Variants in DIAPH2 observed in about 807,000 individuals in gnomAD.
DIAPH2 encodes the protein diaphanous related formin 2.
DIAPH2 carries 35 observed loss-of-function variants against 92.7 expected under a neutral mutation model. The ratio of observed to expected loss-of-function variants is 0.38; its 90% CI spans 0.29 to 0.50. DIAPH2 has a LOEUF of 0.50. DIAPH2 is among the 20% of genes least tolerant of loss of function. The pLI, the probability that DIAPH2 is intolerant of heterozygous loss-of-function variation, is 0.94. For missense variants in DIAPH2, 701 were observed against 819.5 expected (o/e 0.86, Z 1.77); for synonymous variants, 301 against 280.4 (o/e 1.07, Z -0.73).
At chrX:97,403,917 A>G (rs1391369509) in intron 25 of DIAPH2, among the ~76,000 whole-genome samples, 1 of 108,789 alleles carries the variant, frequency 9.2e-6, no homozygotes, top group African/African-American at 3.4e-5. Flanking sequence ...CAATGGCTCA[A>G]TCTTGGCTCA....
intron 22 of DIAPH2, among the ~76,000 whole-genome samples, chrX:97,155,066 G>A (rs1241616793): frequency 8.9e-6 from 1 of 111,881 alleles, no homozygotes; most frequent in East Asian, 2.8e-4. Flanking sequence ...CTATCAATTT[G>A]GTAAAGGTTA....
At chrX:97,080,548 G>A (rs920444580) in intron 19 of DIAPH2, among the ~76,000 whole-genome samples, 1 of 99,258 alleles carries the variant, frequency 1.0e-5, no homozygotes, top group African/African-American at 3.9e-5. Context: ...AACCAGCACT[G>A]TACTCAATGT....
intron 26 of DIAPH2, among the ~76,000 whole-genome samples, chrX:97,576,642 G>A (rs5920930): frequency 9.0e-6 from 1 of 110,794 alleles, no homozygotes; most frequent in East Asian, 2.8e-4. Context: ...CATAAACAAA[G>A]TAATCATGGA....
intron 4 of DIAPH2, among the ~76,000 whole-genome samples, chrX:96,823,728 G>A (rs778463870): frequency 5.6e-4 from 62 of 110,251 alleles, no homozygotes; most frequent in Non-Finnish European, 4.9e-4. Context: ...GAATTAATAA[G>A]CCCTATTTTT....
At chrX:96,840,799 G>C (rs233689) in intron 4 of DIAPH2, among the ~76,000 whole-genome samples, 1 of 106,715 alleles carries the variant, frequency 9.4e-6, no homozygotes, top group African/African-American at 3.4e-5. Flanking sequence ...ATTTTTAGTA[G>C]AGACGGGGTT....
chrX:97,487,913 C>T (rs1299500697), intron 26 of DIAPH2, among the ~76,000 whole-genome samples: 4 of 112,232 alleles, frequency 3.6e-5, no homozygotes, highest in Non-Finnish European at 7.5e-5. Flanking sequence ...TGTATGTCTA[C>T]TTTGGAGAAA....
chrX:96,843,409 G>A (rs1424239784), intron 4 of DIAPH2, among the ~76,000 whole-genome samples: 1 of 111,814 alleles, frequency 8.9e-6, no homozygotes, highest in Non-Finnish European at 1.9e-5. Context: ...ATGTACACAT[G>A]TGAAATTTCA....
At chrX:97,466,189 C>G (rs1441612406) in intron 26 of DIAPH2, among the ~76,000 whole-genome samples, 1 of 111,804 alleles carries the variant, frequency 8.9e-6, no homozygotes, top group Non-Finnish European at 1.9e-5. Context: ...GTCATCAAAA[C>G]TATTTAAAAG....
At chrX:96,916,151 T>C in intron 7 of DIAPH2, among the ~76,000 whole-genome samples, 1 of 111,607 alleles carries the variant, frequency 9.0e-6, no homozygotes, top group Middle Eastern at 4.6e-3. Context: ...CTTTATATGT[T>C]ATTCTTTGTT....
At chrX:97,197,250 T>A (rs2067711865) in intron 22 of DIAPH2, among the ~76,000 whole-genome samples, 1 of 111,999 alleles carries the variant, frequency 8.9e-6, no homozygotes, top group African/African-American at 3.2e-5. Context: ...GTAACTTAAT[T>A]CATAAATTTA....
intron 4 of DIAPH2, among the ~76,000 whole-genome samples, chrX:96,826,647 T>G (rs953203154): frequency 1.8e-5 from 2 of 111,706 alleles, no homozygotes; most frequent in African/African-American, 6.5e-5. Flanking sequence ...AGGCTGATGT[T>G]TCTAAATGGT....
intron 22 of DIAPH2, among the ~76,000 whole-genome samples, chrX:97,208,869 G>GT (rs1035145703): frequency 1.9e-4 from 20 of 107,727 alleles, no homozygotes; most frequent in Middle Eastern, 4.8e-3. Context: ...GCGGTGAGGG[G>GT]TTTTTTTTTG....
chrX:96,897,137 T>C (rs928350015), intron 5 of DIAPH2, among the ~76,000 whole-genome samples: 1 of 111,620 alleles, frequency 9.0e-6, no homozygotes. Context: ...ATATATTGTA[T>C]ACTTGAAAAT....
chrX:96,854,598 CATATATATATATATATATATAT>C (rs57209486), intron 4 of DIAPH2, among the ~76,000 whole-genome samples: 2,288 of 37,152 alleles, frequency 0.062, 141 homozygotes, highest in African/African-American at 0.19. Context: ...CTCTCTCTCT[CATATATATATATATATATATAT>C]ATATATATAT....
rs190470235 is a variant in DIAPH2 at position 97,303,351 on chromosome X, A to T, written c.2845-44765A>T. Among the ~76,000 whole-genome samples, 616 of 111,696 alleles carry T rather than the reference A, an allele frequency of 5.5e-3. 2 individuals are homozygous for T. Among genetic ancestry groups the T allele is most frequent in the African/African-American group, 0.019 (580 of 30,770 alleles). Reference sequence around the variant, plus strand: ...CTTGTTTTTGCTACAAACAGGTGACACCCAACTATAGTTTGTGTATATTGT... The same window carrying T: ...CTTGTTTTTGCTACAAACAGGTGACTCCCAACTATAGTTTGTGTATATTGT... On this transcript the variant is annotated intron_variant, in intron 23 of 26. Transcript: ENST00000324765.
At chrX:97,372,850 G>A (rs1191414405) in intron 24 of DIAPH2, among the ~76,000 whole-genome samples, 1 of 110,715 alleles carries the variant, frequency 9.0e-6, no homozygotes, top group African/African-American at 3.3e-5. Context: ...GGTGTCGCAC[G>A]CCTGTAGTCC....
intron 25 of DIAPH2, among the ~76,000 whole-genome samples, chrX:97,396,975 C>A (rs1425417871): frequency 8.9e-6 from 1 of 112,001 alleles, no homozygotes. Flanking sequence ...CATATATAAT[C>A]TCTTAAAATC....
chrX:97,102,431 A>G (rs2066912208), intron 20 of DIAPH2, among the ~76,000 whole-genome samples: 2 of 112,210 alleles, frequency 1.8e-5, no homozygotes, highest in South Asian at 7.4e-4. Context: ...AGTTTTCTCT[A>G]GCTATATACC....
In DIAPH2 at chrX:96,806,284, T is replaced by C. The variant is rs1013500131; in HGVS notation, c.447+48026T>C. On this transcript the variant is annotated intron_variant, in intron 4 of 26. Transcript: ENST00000324765. ...CAGATAAATCCTCAGTTTTCTAGTATGGCATTTCACCACTGATGCTGAAAT... is the reference window on the plus strand; with the variant it reads ...CAGATAAATCCTCAGTTTTCTAGTACGGCATTTCACCACTGATGCTGAAAT... Among the ~76,000 whole-genome samples the C allele has an allele frequency of 9.8e-5, 11 of 111,853 alleles. 1 individual carries two copies. Among genetic ancestry groups the C allele is most frequent in the Admixed American group, 8.5e-4 (9 of 10,532 alleles).
Sources: gnomAD v4.1 joint callset for allele counts (sites outside exome capture counted in the v4.1 genomes callset) on GRCh38, gnomAD v4.1.1 for gene constraint, MANE v1.5 for transcripts, NCBI Gene and HGNC (gene_info 2026-07-23, HGNC 2026-07-21) for gene names.